The following BACH2 variants were observed in gnomAD, a reference collection of about 807,000 sequenced individuals.
BACH2 encodes the protein BACH transcriptional regulator 2, also known as transcription regulator protein BACH2.
In BACH2, 5 loss-of-function variants were observed where a neutral mutation model predicts 61.8. The ratio of observed to expected loss-of-function variants is 0.08; its 90% CI spans 0.04 to 0.17. BACH2 has a LOEUF of 0.17. Ranked by LOEUF, BACH2 falls within the 10% of genes least tolerant of loss-of-function variation. The probability of loss-of-function intolerance (pLI) is 1.00; values close to 1 mark genes in which losing one functional copy is unlikely to be tolerated. For missense variants in BACH2, 824 were observed against 1,091.1 expected, an observed-to-expected ratio of 0.76 and a Z score of 3.45; for synonymous variants, 446 against 440.1, an observed-to-expected ratio of 1.01 and a Z score of -0.17.
At chr6:90,084,981 T>C (rs1781871347) in intron 5 of BACH2, among the ~76,000 whole-genome samples, 1 of 152,070 alleles carries the variant, frequency 6.6e-6, no homozygotes, top group African/African-American at 2.4e-5. Context: ...CTGGGCCCCA[T>C]AAAACTGTTG....
At chr6:90,084,978 C>G (rs913627181) in intron 5 of BACH2, among the ~76,000 whole-genome samples, 14 of 151,942 alleles carry the variant, frequency 9.2e-5, no homozygotes, top group African/African-American at 3.1e-4. Context: ...CTACTGGGCC[C>G]CATAAAACTG....
Position 90,071,979 on chromosome 6 carries a change from C to T in BACH2, c.-13+16982G>A, listed in dbSNP as rs549214322. Among the ~76,000 whole-genome samples, 3 of 152,120 alleles carry T rather than the reference C, an allele frequency of 2.0e-5. 1 individual carries two copies. Among genetic ancestry groups the T allele is most frequent in the Admixed American group, 2.0e-4 (3 of 15,274 alleles). On this transcript the variant is annotated intron_variant, in intron 5 of 8. Coordinates refer to ENST00000257749, the MANE Select transcript of BACH2 (RefSeq NM_021813.4). ...GGAGGAAGAAGAGGGATTGGTCTTG[C>T]TGTCTCAGGGGTGGCAGAGGCAGAA...
intron 2 of BACH2, among the ~76,000 whole-genome samples, chr6:90,263,923 T>C (rs919845977): frequency 2.6e-5 from 4 of 152,164 alleles, no homozygotes; most frequent in Admixed American, 1.3e-4. Context: ...AGGTTTTAGA[T>C]TGATGATGCT....
intron 6 of BACH2, among the ~76,000 whole-genome samples, chr6:89,963,253 G>C (rs74541063): frequency 1.3e-5 from 2 of 152,148 alleles, no homozygotes; most frequent in African/African-American, 2.4e-5. Context: ...CGAGGCCGTG[G>C]AGAAATTGAA....
intron 4 of BACH2, among the ~76,000 whole-genome samples, chr6:90,168,658 A>T (rs73505258): frequency 0.041 from 6,236 of 152,294 alleles, 162 homozygotes; most frequent in South Asian, 0.097. Context: ...CTGTCTGTTA[A>T]GTAGTTAGAT....
chr6:90,026,338 A>G (rs1778635834), intron 5 of BACH2, among the ~76,000 whole-genome samples: 1 of 152,196 alleles, frequency 6.6e-6, no homozygotes, highest in Non-Finnish European at 1.5e-5. Context: ...TGTTTCTTAA[A>G]TTAGTTTTGC....
chr6:90,157,411 C>A (rs867208488), intron 4 of BACH2, among the ~76,000 whole-genome samples: 1 of 152,180 alleles, frequency 6.6e-6, no homozygotes, highest in Non-Finnish European at 1.5e-5. Flanking sequence ...TATTCTGCAT[C>A]AGATTATTTT....
At chr6:90,104,754 A>G (rs1342402371) in intron 4 of BACH2, among the ~76,000 whole-genome samples, 2 of 152,198 alleles carry the variant, frequency 1.3e-5, no homozygotes, top group African/African-American at 4.8e-5. Flanking sequence ...AGAGATATGC[A>G]TGTATCTTGG....
At chr6:89,965,288 T>C (rs1233505924) in intron 6 of BACH2, among the ~76,000 whole-genome samples, 1 of 152,214 alleles carries the variant, frequency 6.6e-6, no homozygotes, top group Non-Finnish European at 1.5e-5. Context: ...GTCCTTCTGC[T>C]TACCAGGTTA....
intron 5 of BACH2, among the ~76,000 whole-genome samples, chr6:90,011,144 T>C (rs1777682129): frequency 6.8e-6 from 1 of 146,110 alleles, no homozygotes; most frequent in East Asian, 2.0e-4. Context: ...TCATAAAGAT[T>C]TTCTCTTGTT....
chr6:89,993,623 C>T (rs1776694431), intron 6 of BACH2, among the ~76,000 whole-genome samples: 1 of 152,036 alleles, frequency 6.6e-6, no homozygotes, highest in African/African-American at 2.4e-5. Context: ...AGTCACACAC[C>T]AATTAAGTTG....
chr6:90,295,311 G>GC (rs1368152605), intron 1 of BACH2, among the ~76,000 whole-genome samples: 1 of 152,094 alleles, frequency 6.6e-6, no homozygotes, highest in African/African-American at 2.4e-5. Flanking sequence ...TGCTGGGGAT[G>GC]CCCCATGCGC....
intron 4 of BACH2, among the ~76,000 whole-genome samples, chr6:90,188,964 G>A (rs1261172057): frequency 6.6e-6 from 1 of 152,058 alleles, no homozygotes; most frequent in Non-Finnish European, 1.5e-5. Flanking sequence ...AATAATATTA[G>A]TGCAGCCTAC....
chr6:90,146,985 T>G (rs1486220849), intron 4 of BACH2, among the ~76,000 whole-genome samples: 2 of 152,186 alleles, frequency 1.3e-5, no homozygotes, highest in Admixed American at 6.5e-5. Flanking sequence ...AGCTCGATCC[T>G]ACTCTTTCAT....
chr6:89,950,400 T>G lies in BACH2; in HGVS notation c.1706A>C (p.Asp569Ala). ...TEHQEPGLMG[D>A]GMYNQVRPQI... ...GGGCCGCACTTGGTTGTACATTCCA[T>G]CTCCCATCAGGCCTGGTTCCTGATG... The change falls in exon 7 of 9, where the codon GAT becomes GCT. Residue 569 changes from aspartate (D) to alanine (A), a missense_variant. Physicochemically the swap from Asp to Ala is moderately radical, Grantham distance 126 (BLOSUM62 -2). This residue lies in a region of BACH2 where 160 missense variants were observed against 283.5 expected (regional missense o/e 0.56). Transcript: ENST00000257749. The surrounding 1 kb of genome is among the most constrained non-coding windows in gnomAD (Gnocchi z 5.3). The G allele has an allele frequency of 6.2e-7, 1 of 1,614,090 alleles. No homozygotes were observed. Among genetic ancestry groups the G allele is most frequent in the Non-Finnish European group, 8.5e-7 (1 of 1,180,006 alleles).
At chr6:90,159,375 G>C (rs572920532) in intron 4 of BACH2, among the ~76,000 whole-genome samples, 1 of 152,302 alleles carries the variant, frequency 6.6e-6, no homozygotes, top group South Asian at 2.1e-4. Flanking sequence ...AGGGAAAAGA[G>C]TGAAAATATA....
chr6:90,040,503 T>A (rs1779480118), intron 5 of BACH2, among the ~76,000 whole-genome samples: 1 of 151,956 alleles, frequency 6.6e-6, no homozygotes, highest in Non-Finnish European at 1.5e-5. Context: ...TCTCTCTTTT[T>A]ATTCTTGGCT....
intron 5 of BACH2, among the ~76,000 whole-genome samples, chr6:90,072,092 C>T (rs939512864): frequency 1.2e-4 from 19 of 152,172 alleles, no homozygotes; most frequent in African/African-American, 4.1e-4. Flanking sequence ...TATGTGGACC[C>T]ACGCACTTCA....
chr6:90,249,366 C>T (rs1438504848), intron 3 of BACH2, among the ~76,000 whole-genome samples: 2 of 152,140 alleles, frequency 1.3e-5, no homozygotes, highest in Non-Finnish European at 2.9e-5. Flanking sequence ...AGACAGAGTC[C>T]CCTTTCCTTG....
Sources: gnomAD v4.1 joint callset for allele counts (sites outside exome capture counted in the v4.1 genomes callset) on GRCh38, gnomAD v4.1.1 for gene constraint, gnomAD v4.1.1 regional missense constraint, Gnocchi (gnomAD v3.1) non-coding constraint, MANE v1.5 for transcripts, NCBI Gene and HGNC (gene_info 2026-07-23, HGNC 2026-07-21) for gene names.